The following PNKP variants were observed in gnomAD, a reference collection of about 807,000 sequenced individuals.
The protein encoded by PNKP is bifunctional polynucleotide phosphatase/kinase.
In PNKP, 82 loss-of-function variants were observed where a neutral mutation model predicts 66.2. That is an observed-to-expected ratio of 1.24 (90% CI 1.04 to 1.49). The LOEUF (loss-of-function observed/expected upper bound fraction) is 1.49, where lower values mean the gene tolerates loss of function less well. Among genes scored for constraint, PNKP ranks in the 40% most tolerant of loss-of-function variants. The pLI is 0.00. For missense variants in PNKP, 907 were observed against 706.8 expected (o/e 1.28, Z -3.21); for synonymous variants, 412 against 298.9 (o/e 1.38, Z -3.90).
rs753568158 is a variant in PNKP at position 49,865,252 on chromosome 19, C to T, written c.373G>A (p.Val125Met). Residue 125 changes from valine (V) to methionine (M), a missense_variant, in exon 4 of 17, where the codon GTG (valine) becomes ATG (methionine). Val to Met is a conservative substitution (Grantham distance 21, BLOSUM62 1). Transcript: ENST00000322344. ...QPDTPPGTPL[V>M]SQDEKRDAEL... is the part of the protein sequence containing the mutation. ...GCATCTCTCTTCTCATCTTGGGACA[C>T]CAGAGGGGTGCCAGGCGGAGTATCT... 1 of 1,614,092 alleles carries T rather than the reference C, an allele frequency of 6.2e-7. No individual in the cohort carries two copies. The highest frequency in any genetic ancestry group is 1.3e-5 in the African/African-American group (1 of 74,938).
Position 49,867,116 on chromosome 19 carries a change from G to A in PNKP, c.89C>T (p.Ala30Val). The A allele has an allele frequency of 1.2e-6, 2 of 1,613,434 alleles. No homozygotes were observed. The highest frequency in any genetic ancestry group is 1.7e-6 in the Non-Finnish European group (2 of 1,179,894). ...PPIFLPSDGQ[A>V]LVLGRGPLTQ... ...CAGGGGTCCCCTGCCCAGGACCAGG[G>A]CTTGCCCGTCCGAGGGCAGGAAGAT... The change falls in exon 2 of 17, where the codon GCC becomes GTC. Residue 30 changes from alanine to valine, a missense_variant. Coordinates refer to ENST00000322344, the MANE Select transcript of PNKP (RefSeq NM_007254.4).
chr19:49,865,059 G>C, intron 4 of PNKP, 68 bp downstream of exon 4: 1 of 1,361,916 alleles, frequency 7.3e-7, no homozygotes. Context: ...AAAGTTGAGA[G>C]CACGCAACAA....
chr19:49,867,281 T>C (rs1357469618), intron 1 of PNKP, 64 bp from the exon 2 acceptor site: 1 of 1,454,092 alleles, frequency 6.9e-7, no homozygotes, highest in African/African-American at 1.4e-5. Flanking sequence ...AAGTCCCGCC[T>C]CCTCCCACAT....
intron 2 of PNKP, 64 bp downstream of exon 2, chr19:49,866,990 G>T: frequency 1.3e-6 from 2 of 1,518,332 alleles, no homozygotes; most frequent in Non-Finnish European, 9.1e-7. Context: ...GCAGCCAAGC[G>T]TCCCTCTGGA....
chr19:49,863,032 TC>T (rs1470987798), intron 8 of PNKP, among the ~76,000 whole-genome samples: 2 of 151,976 alleles, frequency 1.3e-5, no homozygotes, highest in African/African-American at 4.8e-5. Flanking sequence ...TGCCGGCGCC[TC>T]CCAGGTTCCC....
intron 3 of PNKP, 84 bp downstream of exon 3, chr19:49,866,315 T>C: frequency 2.3e-6 from 3 of 1,282,524 alleles, no homozygotes; most frequent in African/African-American, 1.5e-5. Context: ...CAGATTTTCC[T>C]AATGTACCCC....
intron 11 of PNKP, 33 bp from the exon 12 acceptor site, chr19:49,862,314 G>A (rs1410533216): frequency 7.1e-6 from 11 of 1,545,268 alleles, no homozygotes; most frequent in East Asian, 2.4e-5. Flanking sequence ...GTGAGATGCC[G>A]TCCCCATCCC....
At chr19:49,863,278 C>T (rs1024133536) in intron 8 of PNKP, among the ~76,000 whole-genome samples, 1 of 152,186 alleles carries the variant, frequency 6.6e-6, no homozygotes, top group Admixed American at 6.5e-5. Flanking sequence ...TCCTCAGAGG[C>T]CATCCCTGCC....
chr19:49,861,737 G>C, intron 14 of PNKP, 35 bp downstream of exon 14: 1 of 1,552,834 alleles, frequency 6.4e-7, no homozygotes, highest in Non-Finnish European at 8.7e-7. Flanking sequence ...CGCCCACCCC[G>C]CCGCAGGCCA....
rs751327913 is a variant in PNKP, at chr19:49,867,163, G to A, written c.42C>T (p.Ser14=). Residue 14 remains serine (S), a synonymous_variant, in exon 2 of 17, where the codon AGC becomes AGT. Coordinates refer to ENST00000322344, the MANE Select transcript of PNKP (RefSeq NM_007254.4). ...AGATGGGGGGCGCTCCCCCAGGGGG[G>A]CTCTCGAGCCACAAGCGGCCCGGGG... ...VEAPGRLWLE[S]PPGGAPPIFL... is the part of the protein sequence containing the mutation. 8.7e-6 allele frequency: 14 copies of A among 1,608,764 alleles called. No homozygotes were observed. Among genetic ancestry groups the A allele is most frequent in the Admixed American group, 8.4e-5 (5 of 59,688 alleles).
At position 49,862,548 on chromosome 19, in the gene PNKP, G is replaced by T. The variant is rs1213408016; in HGVS notation, c.926C>A (p.Ala309Asp). 3 of 1,610,788 alleles carry T rather than the reference G, an allele frequency of 1.9e-6. No homozygotes were observed. Among genetic ancestry groups the T allele is most frequent in the Non-Finnish European group, 2.5e-6 (3 of 1,178,550 alleles). The change falls in exon 10 of 17, where the codon GCC (alanine) becomes GAC (aspartate). Residue 309 changes from alanine (A) to aspartate (D), a missense_variant. Transcript: ENST00000322344. Reference protein sequence around the residue: ...PGRKKKDFSCADRLFALNLGL... With the variant: ...PGRKKKDFSCDDRLFALNLGL... ...GGGCAGGGGCCTCACCAGGCGATCG[G>T]CGCAGGAGAAGTCTTTCTTCTTCCG...
At chr19:49,861,428 C>G in intron 16 of PNKP, 21 bp downstream of exon 16, 2 of 1,614,118 alleles carry the variant, frequency 1.2e-6, no homozygotes, top group Non-Finnish European at 1.7e-6. Flanking sequence ...TGCCCCTGCC[C>G]CCTGCTATCC....
rs887351816 is a variant in PNKP, at chr19:49,861,461, A to G, written c.1436T>C (p.Met479Thr). The part of the protein sequence containing the change: ...SSHIPVSDMV[M>T]YGYRKQFEAP... ...TCCCCAACAGTACCTGTAGCCATAC[A>G]TGACCATGTCTGACACGGGGATATG... is the stretch of plus-strand genomic sequence containing the variant. Residue 479 changes from methionine to threonine, a missense_variant, in exon 16 of 17, where the codon ATG (methionine) becomes ACG (threonine). Transcript: ENST00000322344. 4 of 1,612,776 alleles carry G rather than the reference A, an allele frequency of 2.5e-6. No homozygotes were observed. The highest frequency in any genetic ancestry group is 1.3e-5 in the African/African-American group (1 of 74,822).
At chr19:49,864,266 C>T (rs968726480) in intron 5 of PNKP, 30 bp from the exon 6 acceptor site, 3 of 1,613,538 alleles carry the variant, frequency 1.9e-6, no homozygotes, top group Middle Eastern at 3.3e-4. Context: ...GCAGGGGTGA[C>T]CCGGGGCCAG....
intron 2 of PNKP, 78 bp downstream of exon 2, chr19:49,866,976 C>T: frequency 7.1e-7 from 1 of 1,412,480 alleles, no homozygotes; most frequent in Non-Finnish European, 1.0e-6. Context: ...TGCAATCCCG[C>T]GTAGCAGCCA....
Position 49,861,507 on chromosome 19 carries a change from G to GA in PNKP, c.1389dup (p.Arg464SerfsTer30). On this transcript the variant is annotated frameshift_variant, in exon 16 of 17. Transcript: ENST00000322344. LOFTEE classifies it high-confidence loss of function. ...ATATGAGAGGAGTCCGTCATCTCTC[G>GA]AAACTGTGGGGAACATCAGAGGGGC... The GA allele has an allele frequency of 6.4e-7, 1 of 1,554,828 alleles. No individual in the cohort carries two copies. Among genetic ancestry groups the GA allele is most frequent in the South Asian group, 1.1e-5 (1 of 90,116 alleles).
Position 49,862,063 on chromosome 19 carries a change from C to A in PNKP, c.1169G>T (p.Gly390Val), listed in dbSNP as rs776105055. 1 of 1,614,144 alleles carries A rather than the reference C, an allele frequency of 6.2e-7. No homozygotes were observed. Among genetic ancestry groups the A allele is most frequent in the South Asian group, 1.1e-5 (1 of 91,080 alleles). The part of the protein sequence containing the change: ...TFLKKHLVSA[G>V]YVHVNRDTLG... ...TCATACCCTGTTCACGTGGACATAT[C>A]CGGCCGACACGAGGTGCTTCTTGAG... Residue 390 changes from glycine to valine, a missense_variant, in exon 13 of 17, where the codon GGA becomes GTA. Physicochemically the swap from Gly to Val is moderately radical, Grantham distance 109. Transcript: ENST00000322344.
chr19:49,867,128 G>C lies in PNKP; in HGVS notation c.77C>G (p.Ser26Trp). The C allele has an allele frequency of 6.2e-7, 1 of 1,613,228 alleles. No homozygotes were observed. The highest frequency in any genetic ancestry group is 8.5e-7 in the Non-Finnish European group (1 of 1,179,832). The change falls in exon 2 of 17, where the codon TCG becomes TGG. Residue 26 changes from serine (S) to tryptophan (W), a missense_variant. By Grantham distance (177) the Ser-to-Trp change is radical (BLOSUM62 -3). Transcript: ENST00000322344. The part of the protein sequence containing the change: ...PGGAPPIFLP[S>W]DGQALVLGRG... ...GCCCAGGACCAGGGCTTGCCCGTCCGAGGGCAGGAAGATGGGGGGCGCTCC... is the reference window on the plus strand; with the variant it reads ...GCCCAGGACCAGGGCTTGCCCGTCCCAGGGCAGGAAGATGGGGGGCGCTCC...
At position 49,864,035 on chromosome 19, in the gene PNKP, C is replaced by G; in HGVS notation, c.673G>C (p.Gly225Arg). ...IFTNQMSIGR[G>R]KLPAEEFKAK... is the part of the protein sequence containing the mutation. ...TTGAACTCCTCGGCTGGCAGCTTCC[C>G]GCGCCCGATGCTCATCTGGTTGGTG... Residue 225 changes from glycine (G) to arginine (R), a missense_variant, in exon 7 of 17, where the codon GGG becomes CGG. Gly to Arg is a moderately radical substitution (Grantham distance 125, BLOSUM62 -2). Transcript: ENST00000322344. 1 of 1,613,988 alleles carries G rather than the reference C, an allele frequency of 6.2e-7. No homozygotes were observed. The highest frequency in any genetic ancestry group is 8.5e-7 in the Non-Finnish European group (1 of 1,180,016).
Sources: gnomAD v4.1 joint callset for allele counts (sites outside exome capture counted in the v4.1 genomes callset) on GRCh38, gnomAD v4.1.1 for gene constraint, MANE v1.5 for transcripts, NCBI Gene and HGNC (gene_info 2026-07-23, HGNC 2026-07-21) for gene names.